Variants in CDKL3 observed in about 807,000 individuals in gnomAD.
CDKL3 encodes cyclin dependent kinase like 3, also known as cyclin-dependent kinase-like 3.
In CDKL3, 65 loss-of-function variants were observed where a neutral mutation model predicts 69.3. The observed-to-expected ratio is 0.94, with a 90% CI of 0.77 to 1.15. CDKL3 has a LOEUF of 1.15. CDKL3 is among the 50% of genes most tolerant of loss of function. The pLI is 0.00. For synonymous variants in CDKL3, 202 were observed against 221.6 expected (o/e 0.91, Z 0.79); for missense variants, 652 against 689.2 (o/e 0.95, Z 0.61).
chr5:134,365,255 G>T (rs527611595), intron 2 of CDKL3, among the ~76,000 whole-genome samples: 2 of 151,862 alleles, frequency 1.3e-5, no homozygotes, highest in South Asian at 4.2e-4. Context: ...AGCGCTGGGA[G>T]CGTGAGCCAC....
chr5:134,355,179 G>A (rs1754271244), intron 3 of CDKL3, among the ~76,000 whole-genome samples: 2 of 146,650 alleles, frequency 1.4e-5, no homozygotes. Context: ...GTTGCAGTGA[G>A]CTAAGATCAT....
At chr5:134,298,869 A>G (rs891229040) in intron 12 of CDKL3, among the ~76,000 whole-genome samples, 159 bp from the exon 13 acceptor site, 1 of 152,008 alleles carries the variant, frequency 6.6e-6, no homozygotes, top group Admixed American at 6.6e-5. Context: ...CTCAACTTCC[A>G]TCTTTTTTTT....
At chr5:134,321,736 G>T (rs1375608205) in intron 5 of CDKL3, 55 bp downstream of exon 5, 2 of 940,038 alleles carry the variant, frequency 2.1e-6, no homozygotes, top group South Asian at 1.5e-5. Flanking sequence ...AAGCAGAATT[G>T]ATCTGGCAAT....
intron 4 of CDKL3, among the ~76,000 whole-genome samples, chr5:134,339,865 T>G (rs112994983): frequency 6.6e-6 from 1 of 152,178 alleles, no homozygotes; most frequent in Non-Finnish European, 1.5e-5. Context: ...GAAAATACTT[T>G]GAGGCTGGGC....
At chr5:134,360,338 G>A (rs1284273004) in intron 2 of CDKL3, among the ~76,000 whole-genome samples, 1 of 152,130 alleles carries the variant, frequency 6.6e-6, no homozygotes, top group Non-Finnish European at 1.5e-5. Context: ...CTGAACAGCT[G>A]GGATTACAAG....
At chr5:134,352,572 A>T (rs1753585458) in intron 3 of CDKL3, among the ~76,000 whole-genome samples, 1 of 152,070 alleles carries the variant, frequency 6.6e-6, no homozygotes, top group Non-Finnish European at 1.5e-5. Context: ...AAATGCTGGG[A>T]TTACATGTGT....
chr5:134,354,940 C>T (rs1017793496), intron 3 of CDKL3, among the ~76,000 whole-genome samples: 32 of 146,212 alleles, frequency 2.2e-4, no homozygotes, highest in African/African-American at 7.5e-4. Flanking sequence ...AGTGAGACTC[C>T]GTCTCAAAAA....
chr5:134,309,272 C>T (rs948512194), intron 7 of CDKL3, among the ~76,000 whole-genome samples: 2 of 151,978 alleles, frequency 1.3e-5, no homozygotes, highest in African/African-American at 2.4e-5. Context: ...AGTAGAGACG[C>T]GGTTTCTCCA....
intron 4 of CDKL3, among the ~76,000 whole-genome samples, chr5:134,330,823 T>C (rs566736929): frequency 6.6e-6 from 1 of 152,326 alleles, no homozygotes; most frequent in Non-Finnish European, 1.5e-5. Context: ...CAAAATGCCT[T>C]GAGCATCCCA....
chr5:134,350,005 T>C (rs552835608), intron 4 of CDKL3, among the ~76,000 whole-genome samples: 8 of 152,080 alleles, frequency 5.3e-5, no homozygotes, highest in Admixed American at 2.0e-4. Context: ...CTGACCAATA[T>C]TGTGAAACCC....
chr5:134,319,301 G>T, intron 6 of CDKL3, 57 bp downstream of exon 6: 2 of 1,367,462 alleles, frequency 1.5e-6, no homozygotes, highest in Non-Finnish European at 1.9e-6. Flanking sequence ...CTGCACTACA[G>T]CCTGGGCGAC....
intron 4 of CDKL3, among the ~76,000 whole-genome samples, chr5:134,325,617 CTG>C (rs1371006012): frequency 6.6e-6 from 1 of 152,068 alleles, no homozygotes; most frequent in Non-Finnish European, 1.5e-5. Context: ...CTGGTATTTA[CTG>C]TCTTTTTTTC....
upstream of CDKL3, chr5:134,367,369 T>A: frequency 2.2e-3 from 141 of 63,452 alleles, no homozygotes; most frequent in Admixed American, 5.7e-3. Flanking sequence ...GATCTGCATC[T>A]TTTTTTTTTT....
downstream of CDKL3, among the ~76,000 whole-genome samples, chr5:134,285,715 A>G (rs1764832653): frequency 6.6e-6 from 1 of 152,204 alleles, no homozygotes; most frequent in Non-Finnish European, 1.5e-5. Context: ...GGATTTTATT[A>G]TCTATTGCAT....
rs562293112 is a variant in CDKL3 at position 134,293,319 on chromosome 5, C to G, written c.*678-6760G>C. On this transcript the variant is annotated intron_variant and NMD_transcript_variant, in intron 8 of 8. Coordinates refer to the CDKL3 transcript ENST00000519312. ...ACAGGTGTGAGCCACCACGCCTGGC[C>G]TCTCACTGCCAATTTCTAACAAACA... is the stretch of plus-strand genomic sequence containing the variant. Among the ~76,000 whole-genome samples, 28 of 152,022 alleles carry G rather than the reference C, an allele frequency of 1.8e-4. No individual in the cohort carries two copies. In the South Asian group the frequency reaches 4.8e-3, roughly 26 times the overall value.
intron 8 of CDKL3, among the ~76,000 whole-genome samples, chr5:134,289,811 C>G (rs1447784795): frequency 6.6e-6 from 1 of 152,118 alleles, no homozygotes; most frequent in African/African-American, 2.4e-5. Context: ...GACCATGTAA[C>G]AGCTACTGGA....
At chr5:134,296,217 GA>G (rs1765341307), downstream of CDKL3, among the ~76,000 whole-genome samples, 1 of 152,080 alleles carries the variant, frequency 6.6e-6, no homozygotes, top group Non-Finnish European at 1.5e-5. Context: ...AATTATTTAA[GA>G]GAATATGTCA....
upstream of CDKL3, among the ~76,000 whole-genome samples, chr5:134,370,060 CA>C (rs940941288): frequency 6.6e-6 from 1 of 152,184 alleles, no homozygotes; most frequent in African/African-American, 2.4e-5. Flanking sequence ...CCAAGGCAGT[CA>C]CTGGAAGCAG....
chr5:134,315,491 C>G (rs1455942807), intron 6 of CDKL3, among the ~76,000 whole-genome samples: 2 of 152,012 alleles, frequency 1.3e-5, no homozygotes, highest in Non-Finnish European at 2.9e-5. Context: ...ATCACGACAC[C>G]CTATGTTTAG....
Sources: allele counts gnomAD v4.1 joint callset (sites outside exome capture counted in the v4.1 genomes callset), GRCh38; gene constraint gnomAD v4.1.1; transcripts MANE v1.5; gene names NCBI Gene and HGNC (gene_info 2026-07-23, HGNC 2026-07-21).